RNGTT: variants seen among roughly 807,000 people sequenced by gnomAD.
RNGTT encodes the protein RNA guanylyltransferase and 5'-phosphatase.
A neutral mutation model predicts 79.3 loss-of-function variants in RNGTT; 33 were observed. The observed-to-expected ratio is 0.42, with a 90% confidence interval of 0.32 to 0.56. The LOEUF (loss-of-function observed/expected upper bound fraction) is 0.56. Ranked by LOEUF, RNGTT falls within the 20% of genes least tolerant of loss-of-function variation. The probability of loss-of-function intolerance (pLI) is 0.17; values close to 1 mark genes in which losing one functional copy is unlikely to be tolerated. For missense variants in RNGTT, 497 were observed against 739.1 expected, an observed-to-expected ratio of 0.67 and a Z score of 3.80; for synonymous variants, 222 against 235.9, an observed-to-expected ratio of 0.94 and a Z score of 0.54.
At chr6:88,846,610 A>G (rs1364054070) in intron 10 of RNGTT, among the ~76,000 whole-genome samples, 1 of 152,156 alleles carries the variant, frequency 6.6e-6, no homozygotes, top group Non-Finnish European at 1.5e-5. Context: ...AAATACAAAA[A>G]TTAGCTGGGC....
intron 13 of RNGTT, among the ~76,000 whole-genome samples, chr6:88,712,188 G>C (rs1562210585): frequency 6.6e-6 from 1 of 152,108 alleles, no homozygotes; most frequent in Non-Finnish European, 1.5e-5. Context: ...CACACTGTGA[G>C]GATCAAGTAA....
chr6:88,848,989 T>C (rs749945878), intron 10 of RNGTT, among the ~76,000 whole-genome samples: 24 of 151,786 alleles, frequency 1.6e-4, no homozygotes, highest in Non-Finnish European at 2.9e-4. Flanking sequence ...AGCTAAGAAG[T>C]GAGAGTAAGC....
intron 13 of RNGTT, among the ~76,000 whole-genome samples, chr6:88,695,888 AAC>A (rs898233290): frequency 5.9e-5 from 9 of 152,236 alleles, no homozygotes; most frequent in African/African-American, 2.2e-4. Flanking sequence ...TAAGTGAAAT[AAC>A]ACAGGCACAG....
At chr6:88,929,325 T>C in intron 2 of RNGTT, 58 bp from the exon 3 acceptor site, 3 of 1,067,220 alleles carry the variant, frequency 2.8e-6, no homozygotes, top group Non-Finnish European at 2.8e-6. Context: ...TGTTCCCAAA[T>C]AAGTAGACTA....
intron 8 of RNGTT, among the ~76,000 whole-genome samples, chr6:88,864,059 A>C (rs1385522224): frequency 6.6e-6 from 1 of 152,098 alleles, no homozygotes; most frequent in Non-Finnish European, 1.5e-5. Flanking sequence ...TCTGTTTCTA[A>C]GCCCATGTAG....
chr6:88,915,935 C>T lies in RNGTT; in HGVS notation c.368-9495G>A, dbSNP rs1175561737. 3.9e-5 allele frequency among the ~76,000 whole-genome samples: 6 copies of T among 152,008 alleles called. No individual in the cohort carries two copies. In the East Asian group the frequency reaches 1.2e-3, roughly 29 times the overall value. On this transcript the variant is annotated intron_variant, in intron 4 of 15. Coordinates refer to ENST00000369485, the MANE Select transcript of RNGTT (RefSeq NM_003800.5). ...AAACTGTTACAGTTCAATAAGATAA[C>T]ACAGTATTTTTTAAACCTGGGCAAA...
rs575767961 is a variant in RNGTT at position 88,734,549 on chromosome 6, A to T, written c.1439+35225T>A. On this transcript the variant is annotated intron_variant, in intron 13 of 15. Coordinates refer to ENST00000369485, the MANE Select transcript of RNGTT (RefSeq NM_003800.5). ...GAGACTGTCAGAGAAGATTTTTTTTAAAAAGACCCAACTAATATTTTCTAT... is the reference window on the plus strand; with the variant it reads ...GAGACTGTCAGAGAAGATTTTTTTTTAAAAGACCCAACTAATATTTTCTAT... 3.2e-4 allele frequency among the ~76,000 whole-genome samples: 48 copies of T among 152,150 alleles called. No homozygotes were observed. In the East Asian group the frequency reaches 6.2e-3, roughly 20 times the overall value.
chr6:88,891,199 T>A (rs1414367990), intron 7 of RNGTT, among the ~76,000 whole-genome samples: 1 of 152,184 alleles, frequency 6.6e-6, no homozygotes. Context: ...CTAGTATTTA[T>A]GTAACAGTAA....
Position 88,611,514 on chromosome 6 carries a change from GCAGA to G in RNGTT, c.*1201_*1204del, listed in dbSNP as rs1350079365. ...CAATTAGAACAGTTTATCAACAATG[GCAGA>G]CAATCAATTAGCCGCCCTTTAAATC... On this transcript the variant is annotated 3_prime_UTR_variant, in exon 16 of 16. Transcript: ENST00000369485. 1.3e-5 allele frequency: 2 copies of G among 152,348 alleles called. No individual in the cohort carries two copies. Among genetic ancestry groups the G allele is most frequent in the Admixed American group, 6.6e-5 (1 of 15,260 alleles). 9.4% of individuals were successfully genotyped at this position (152,348 alleles called of 1,614,324 possible).
intron 14 of RNGTT, among the ~76,000 whole-genome samples, chr6:88,622,450 G>T (rs1209681149): frequency 6.6e-6 from 1 of 151,880 alleles, no homozygotes; most frequent in East Asian, 1.9e-4. Context: ...ACTCTGGCTG[G>T]GTTTGTCAAT....
intron 13 of RNGTT, among the ~76,000 whole-genome samples, chr6:88,723,000 T>C (rs1776755762): frequency 6.6e-6 from 1 of 152,272 alleles, no homozygotes; most frequent in African/African-American, 2.4e-5. Flanking sequence ...CTAGCTTTTG[T>C]ATTTACAATA....
chr6:88,700,363 C>A (rs1775905437), intron 13 of RNGTT, among the ~76,000 whole-genome samples: 1 of 152,066 alleles, frequency 6.6e-6, no homozygotes, highest in Admixed American at 6.6e-5. Flanking sequence ...GTTTTTCCAC[C>A]CTTAATTCAC....
chr6:88,876,391 G>C (rs1782519546), intron 8 of RNGTT, among the ~76,000 whole-genome samples: 1 of 152,144 alleles, frequency 6.6e-6, no homozygotes, highest in South Asian at 2.1e-4. Context: ...AAAATTAGTT[G>C]GGTGTGGCGG....
At chr6:88,852,748 C>T (rs189096482) in intron 9 of RNGTT, among the ~76,000 whole-genome samples, 4 of 152,092 alleles carry the variant, frequency 2.6e-5, no homozygotes, top group South Asian at 2.1e-4. Flanking sequence ...GTCACTTGTA[C>T]GGACATGTAG....
Position 88,647,701 on chromosome 6 carries a change from T to TAAAAAAA in RNGTT, c.1506+30645_1506+30651dup, listed in dbSNP as rs746472579. 9.8e-3 allele frequency among the ~76,000 whole-genome samples: 991 copies of TAAAAAAA among 100,786 alleles called. 36 individuals are homozygous for TAAAAAAA. Among genetic ancestry groups the TAAAAAAA allele is most frequent in the African/African-American group, 0.047 (913 of 19,516 alleles). 66.1% of individuals were successfully genotyped at this position (100,786 alleles called of 152,430 possible). A position where few individuals can be genotyped will look rare whatever the true frequency, so the allele number is the denominator to read the frequency against. On this transcript the variant is annotated intron_variant, in intron 14 of 15. Coordinates refer to ENST00000369485, the MANE Select transcript of RNGTT (RefSeq NM_003800.5). ...CTGGGTGACAGAACCGACACCCTGT[T>TAAAAAAA]AAAAAAAAAAAAAAAAGAAGAAGAA...
chr6:88,961,436 A>G (rs1454575523), intron 1 of RNGTT, among the ~76,000 whole-genome samples: 1 of 151,252 alleles, frequency 6.6e-6, no homozygotes, highest in Non-Finnish European at 1.5e-5. Context: ...ATAAGTACAA[A>G]TTACTTTTTT....
chr6:88,866,844 T>G (rs1562293062), intron 8 of RNGTT, among the ~76,000 whole-genome samples: 2 of 152,206 alleles, frequency 1.3e-5, no homozygotes, highest in African/African-American at 2.4e-5. Context: ...TTCCTTATGC[T>G]GAAAAATATG....
intron 6 of RNGTT, among the ~76,000 whole-genome samples, chr6:88,900,605 G>A (rs967344867): frequency 6.6e-6 from 1 of 151,474 alleles, no homozygotes; most frequent in African/African-American, 2.4e-5. Flanking sequence ...GTAGTGGCAG[G>A]TGCCAATAGT....
chr6:88,698,964 C>G (rs778469478), intron 13 of RNGTT, among the ~76,000 whole-genome samples: 8 of 152,164 alleles, frequency 5.3e-5, no homozygotes, highest in Non-Finnish European at 1.2e-4. Context: ...GTACGCATAA[C>G]TCTAAAATGT....
Sources: allele counts gnomAD v4.1 joint callset (sites outside exome capture counted in the v4.1 genomes callset), GRCh38; gene constraint gnomAD v4.1.1; transcripts MANE v1.5; gene names NCBI Gene and HGNC (gene_info 2026-07-23, HGNC 2026-07-21).